GPD1L: variants seen among roughly 807,000 people sequenced by gnomAD.
GPD1L encodes the protein glycerol-3-phosphate dehydrogenase 1 like.
In GPD1L, 17 loss-of-function variants were observed where a neutral mutation model predicts 32.9. That is an observed-to-expected ratio of 0.52 (90% CI 0.35 to 0.78). GPD1L has a LOEUF of 0.78. Ranked by LOEUF, GPD1L falls within the 30% of genes least tolerant of loss-of-function variation. GPD1L has a pLI of 0.01. For missense variants in GPD1L, 361 were observed against 447.8 expected, an observed-to-expected ratio of 0.81 and a Z score of 1.75; for synonymous variants, 187 against 165.9, an observed-to-expected ratio of 1.13 and a Z score of -0.98.
chr3:32,136,191 GGTAGCCCCGTGGC>G (rs1231228440), intron 2 of GPD1L, among the ~76,000 whole-genome samples: 3 of 152,156 alleles, frequency 2.0e-5, no homozygotes, highest in Non-Finnish European at 4.4e-5. Context: ...TCATCCACAT[GGTAGCCCCGTGGC>G]GTAGGTTCTC....
rs1701160704 is a variant in GPD1L, at chr3:32,167,233, T to C, written c.*1323T>C. ...GTGAGTCTGGGAAACACTATGTCTGTACACCTCTTGAAGGTGTCGAATGTA... is the reference window on the plus strand; with the variant it reads ...GTGAGTCTGGGAAACACTATGTCTGCACACCTCTTGAAGGTGTCGAATGTA... On this transcript the variant is annotated 3_prime_UTR_variant, in exon 8 of 8. Coordinates refer to ENST00000282541, the MANE Select transcript of GPD1L (RefSeq NM_015141.4). 6.6e-6 allele frequency: 1 copy of C among 152,234 alleles called. No homozygotes were observed. Among genetic ancestry groups the C allele is most frequent in the Non-Finnish European group, 1.5e-5 (1 of 68,040 alleles). The allele number at this position is 152,234 out of a possible 1,614,324, so 9.4% of individuals were successfully genotyped here. A position where few individuals can be genotyped will look rare whatever the true frequency, so the allele number is the denominator to read the frequency against.
At chr3:32,148,628 C>T (rs1700867957) in intron 5 of GPD1L, among the ~76,000 whole-genome samples, 1 of 152,164 alleles carries the variant, frequency 6.6e-6, no homozygotes, top group African/African-American at 2.4e-5. Flanking sequence ...GAGCAAATGA[C>T]TTTAGGGTAG....
chr3:32,158,704 T>A (rs1701030784), intron 5 of GPD1L, 172 bp from the exon 6 acceptor site: 1 of 1,439,120 alleles, frequency 6.9e-7, no homozygotes, highest in African/African-American at 1.4e-5. Flanking sequence ...CTGTCTCTCC[T>A]TTCGTCATCT....
rs753610703 is a variant in GPD1L at position 32,146,664 on chromosome 3, T to G, written c.548T>G (p.Leu183Arg). 1 of 1,613,724 alleles carries G rather than the reference T, an allele frequency of 6.2e-7. No homozygotes were observed. Among genetic ancestry groups the G allele is most frequent in the Admixed American group, 1.7e-5 (1 of 60,020 alleles). The change falls in exon 5 of 8, where the codon CTG becomes CGG. Residue 183 changes from leucine to arginine, a missense_variant. Transcript: ENST00000282541. ...MENGLLFKEL[L>R]QTPNFRITVV... ...AACGGCCTTCTCTTCAAAGAACTTC[T>G]GCAGACTCCAAATTTTCGAATTACC...
intron 1 of GPD1L, 85 bp from the exon 2 acceptor site, chr3:32,127,991 A>T: frequency 1.1e-6 from 1 of 930,460 alleles, no homozygotes. Flanking sequence ...GAATCAAAAC[A>T]CAAGTCTTCT....
chr3:32,126,590 C>T (rs142413525), intron 1 of GPD1L, among the ~76,000 whole-genome samples: 33 of 152,316 alleles, frequency 2.2e-4, no homozygotes, highest in African/African-American at 7.0e-4. Flanking sequence ...AGATTCCTGG[C>T]CTCCCTTCTA....
chr3:32,157,765 G>A (rs1366879109), intron 5 of GPD1L, among the ~76,000 whole-genome samples: 1 of 152,154 alleles, frequency 6.6e-6, no homozygotes, highest in Non-Finnish European at 1.5e-5. Context: ...AACCATAGAC[G>A]ATGTGTAAAT....
intron 1 of GPD1L, among the ~76,000 whole-genome samples, chr3:32,108,555 G>T (rs1033181771): frequency 6.6e-6 from 1 of 152,090 alleles, no homozygotes; most frequent in Non-Finnish European, 1.5e-5. Flanking sequence ...AAAAACCAAA[G>T]AGTACCAAAA....
intron 2 of GPD1L, among the ~76,000 whole-genome samples, chr3:32,138,233 C>T (rs1700692801): frequency 6.6e-6 from 1 of 152,164 alleles, no homozygotes; most frequent in African/African-American, 2.4e-5. Context: ...AGAAAGCAGC[C>T]TCCTGAGAAC....
At chr3:32,118,678 T>C (rs1040520071) in intron 1 of GPD1L, among the ~76,000 whole-genome samples, 1 of 152,188 alleles carries the variant, frequency 6.6e-6, no homozygotes, top group Non-Finnish European at 1.5e-5. Context: ...TTGTTCGTAT[T>C]GAAAACAATG....
In GPD1L at chr3:32,113,797, T is replaced by C. The variant is rs147761835; in HGVS notation, c.47+7039T>C. On this transcript the variant is annotated intron_variant, in intron 1 of 7. Transcript: ENST00000282541. ...TGGCAGATTTTCTGCTGATCTAGCC[T>C]AGGCTCACTCATATGGCTGTGGTTG... 3.2e-3 allele frequency among the ~76,000 whole-genome samples: 484 copies of C among 152,338 alleles called. 3 individuals are homozygous for C. The highest frequency in any genetic ancestry group is 0.011 in the African/African-American group (441 of 41,584).
At chr3:32,145,117 G>A (rs1397519299) in intron 4 of GPD1L, among the ~76,000 whole-genome samples, 4 of 151,416 alleles carry the variant, frequency 2.6e-5, no homozygotes, top group South Asian at 2.1e-4. Flanking sequence ...TCAGGAGTTC[G>A]AGACCAGCCT....
intron 7 of GPD1L, among the ~76,000 whole-genome samples, chr3:32,162,128 G>C (rs1292425391): frequency 6.6e-6 from 1 of 152,194 alleles, no homozygotes; most frequent in Non-Finnish European, 1.5e-5. Context: ...GTATTTAGCT[G>C]TTCTGTGCCC....
At chr3:32,155,205 C>T (rs1392328267) in intron 5 of GPD1L, among the ~76,000 whole-genome samples, 1 of 152,086 alleles carries the variant, frequency 6.6e-6, no homozygotes, top group East Asian at 1.9e-4. Context: ...AAGCCAGGCA[C>T]CAGGGGCACA....
intron 7 of GPD1L, among the ~76,000 whole-genome samples, chr3:32,162,980 A>G (rs1437278803): frequency 6.6e-6 from 1 of 151,724 alleles, no homozygotes; most frequent in Non-Finnish European, 1.5e-5. Context: ...GCTGGTCTCG[A>G]ACTCCTGGCC....
chr3:32,157,435 C>G (rs1241091740), intron 5 of GPD1L, among the ~76,000 whole-genome samples: 1 of 152,110 alleles, frequency 6.6e-6, no homozygotes, highest in African/African-American at 2.4e-5. Context: ...TGTCTTAACT[C>G]TCATCTTTGC....
intron 7 of GPD1L, among the ~76,000 whole-genome samples, chr3:32,163,431 G>A (rs1701100354): frequency 1.3e-5 from 2 of 152,118 alleles, no homozygotes; most frequent in African/African-American, 2.4e-5. Context: ...ACCTCCCAAA[G>A]TGCTGAGATT....
chr3:32,147,903 G>A (rs527753875), intron 5 of GPD1L, among the ~76,000 whole-genome samples: 2 of 152,124 alleles, frequency 1.3e-5, no homozygotes, highest in East Asian at 3.9e-4. Context: ...GATATATAAT[G>A]AGCATTTAAA....
intron 1 of GPD1L, among the ~76,000 whole-genome samples, chr3:32,124,992 G>GTCC (rs1159103587): frequency 1.3e-5 from 2 of 151,192 alleles, no homozygotes; most frequent in East Asian, 3.9e-4. Context: ...TTAAGTCCTG[G>GTCC]TCCTCCTCCT....
Sources: gnomAD v4.1 joint callset for allele counts (sites outside exome capture counted in the v4.1 genomes callset) on GRCh38, gnomAD v4.1.1 for gene constraint, MANE v1.5 for transcripts, NCBI Gene and HGNC (gene_info 2026-07-23, HGNC 2026-07-21) for gene names.